Variants in AK7 observed in about 807,000 individuals in gnomAD.
The protein encoded by AK7 is adenylate kinase 7.
Under a neutral mutation model 96.6 loss-of-function variants are expected in AK7, and 78 were observed. That is an observed-to-expected ratio of 0.81 (90% CI 0.67 to 0.97). The LOEUF is 0.97. Ranked by LOEUF, AK7 falls within the 50% of genes least tolerant of loss-of-function variation. The probability of loss-of-function intolerance (pLI) is 0.00; values close to 1 mark genes in which losing one functional copy is unlikely to be tolerated. For missense variants in AK7, 855 were observed against 887.9 expected (o/e 0.96, Z 0.47); for synonymous variants, 302 against 317.2 (o/e 0.95, Z 0.51).
At chr14:96,424,707 C>A (rs930393662) in intron 5 of AK7, among the ~76,000 whole-genome samples, 3 of 152,154 alleles carry the variant, frequency 2.0e-5, no homozygotes, top group Non-Finnish European at 4.4e-5. Context: ...GGAATTCTAG[C>A]CCTTTTTCTG....
chr14:96,442,836 G>C lies in AK7; in HGVS notation c.779+18G>C, dbSNP rs1449529351. The C allele has an allele frequency of 6.2e-6, 10 of 1,605,164 alleles. No individual in the cohort carries two copies. The highest frequency in any genetic ancestry group is 7.7e-6 in the Non-Finnish European group (9 of 1,171,858). ...CTAGCAGGGTAAGCATTCGCCCAGA[G>C]ACGTGACCTTCACAGAATTGGTTAA... On this transcript the variant is annotated intron_variant, in intron 7 of 17. Coordinates refer to ENST00000267584, the MANE Select transcript of AK7 (RefSeq NM_152327.5).
At chr14:96,410,017 T>C (rs2140009155) in intron 4 of AK7, among the ~76,000 whole-genome samples, 1 of 152,296 alleles carries the variant, frequency 6.6e-6, no homozygotes, top group South Asian at 2.1e-4. Context: ...CCCAGATATG[T>C]TCTAATTTCA....
chr14:96,420,952 A>C lies in AK7; in HGVS notation c.609+20A>C, dbSNP rs778395322. 2 of 1,477,086 alleles carry C rather than the reference A, an allele frequency of 1.4e-6. No individual in the cohort carries two copies. The highest frequency in any genetic ancestry group is 1.9e-6 in the Non-Finnish European group (2 of 1,057,792). 91.5% of individuals were successfully genotyped at this position (1,477,086 alleles called of 1,614,324 possible). On this transcript the variant is annotated intron_variant, in intron 5 of 17. Coordinates refer to ENST00000267584, the MANE Select transcript of AK7 (RefSeq NM_152327.5). ...AAAAAGGTAAGTCTGGCATAGTGGA[A>C]CATGGACATCATCTGAAGTCTTTAA...
At chr14:96,425,545 T>A (rs1303130708) in intron 5 of AK7, among the ~76,000 whole-genome samples, 1 of 143,338 alleles carries the variant, frequency 7.0e-6, no homozygotes, top group African/African-American at 2.6e-5. Context: ...TGCAGTGGCA[T>A]GATCTCGGGT....
In AK7 at chr14:96,399,720, C is replaced by T. The variant is rs995406926; in HGVS notation, c.294+1457C>T. Among the ~76,000 whole-genome samples the T allele has an allele frequency of 6.6e-6, 1 of 152,216 alleles. No individual in the cohort carries two copies. Among genetic ancestry groups the T allele is most frequent in the Non-Finnish European group, 1.5e-5 (1 of 68,040 alleles). On this transcript the variant is annotated intron_variant, in intron 2 of 17. Coordinates refer to ENST00000267584, the MANE Select transcript of AK7 (RefSeq NM_152327.5). The surrounding 1 kb of genome is among the most constrained non-coding windows in gnomAD (Gnocchi z 4.1). ...GCTTCCCGAGAGAAACTCGCCTTCC[C>T]TTCTTGTGCCTCGGCTCTGCACTGA...
chr14:96,471,322 C>A (rs1339543093), intron 12 of AK7, among the ~76,000 whole-genome samples, 156 bp from the exon 13 acceptor site: 2 of 147,020 alleles, frequency 1.4e-5, no homozygotes, highest in African/African-American at 5.1e-5. Flanking sequence ...CAGAGTGAGA[C>A]CCCGTCTCTT....
chr14:96,425,354 C>A (rs2140052729), intron 5 of AK7, among the ~76,000 whole-genome samples: 1 of 152,194 alleles, frequency 6.6e-6, no homozygotes, highest in Admixed American at 6.5e-5. Flanking sequence ...ATTACATACA[C>A]AAAAGGTAGA....
At chr14:96,480,339 G>A (rs1895442776) in intron 15 of AK7, among the ~76,000 whole-genome samples, 1 of 151,986 alleles carries the variant, frequency 6.6e-6, no homozygotes, top group African/African-American at 2.4e-5. Context: ...GGCTGAGGCA[G>A]GAGAATCATT....
At chr14:96,439,682 GT>G (rs1163067340) in intron 6 of AK7, among the ~76,000 whole-genome samples, 2 of 139,820 alleles carry the variant, frequency 1.4e-5, no homozygotes, top group African/African-American at 5.3e-5. Flanking sequence ...AAAAAAAAAA[GT>G]TTTTAAAAAG....
At chr14:96,482,902 A>G in intron 15 of AK7, 97 bp from the exon 16 acceptor site, 2 of 1,195,748 alleles carry the variant, frequency 1.7e-6, no homozygotes, top group South Asian at 1.4e-5. Flanking sequence ...TAATTTACAT[A>G]ATTGACTATC....
chr14:96,418,002 C>A (rs1449615952), intron 4 of AK7, among the ~76,000 whole-genome samples: 4 of 151,930 alleles, frequency 2.6e-5, no homozygotes, highest in Non-Finnish European at 4.4e-5. Flanking sequence ...ATATGAAATT[C>A]AGATCACTTT....
At chr14:96,480,187 A>G (rs73351161) in intron 15 of AK7, among the ~76,000 whole-genome samples, 3,200 of 152,242 alleles carry the variant, frequency 0.021, 115 homozygotes, top group African/African-American at 0.073. Flanking sequence ...ATCCCTACAC[A>G]TTGGAAGACC....
chr14:96,451,575 C>T lies in AK7; in HGVS notation c.1098+5C>T. ...AAGCAAAGCAGAGGATTGATGGTAA[C>T]TATCACTGTTTCCCACTGAAACTTC... On this transcript the variant is annotated splice_donor_5th_base_variant and intron_variant, in intron 10 of 17. Transcript: ENST00000267584. 1 of 1,470,630 alleles carries T rather than the reference C, an allele frequency of 6.8e-7. No individual in the cohort carries two copies. The highest frequency in any genetic ancestry group is 9.1e-7 in the Non-Finnish European group (1 of 1,098,076). The allele number at this position is 1,470,630 out of a possible 1,614,324, so 91.1% of individuals were successfully genotyped here.
In AK7 at chr14:96,483,071, G is replaced by A. The variant is rs758921408; in HGVS notation, c.1826G>A (p.Arg609Gln). 15 of 1,614,064 alleles carry A rather than the reference G, an allele frequency of 9.3e-6. No homozygotes were observed. The Admixed American group carries it at 1.0e-4, about 11-fold the overall frequency. ...KQLIKEIGEP[R>Q]NYGLTDEEKA... The stretch of plus-strand genomic sequence containing the variant: ...CTCATCAAAGAGATTGGGGAGCCTC[G>A]AAATTATGGTTTAACAGACGAAGAA... Residue 609 changes from arginine to glutamine, a missense_variant, in exon 16 of 18, where the codon CGA becomes CAA. By Grantham distance (43) the Arg-to-Gln change is conservative. Coordinates refer to ENST00000267584, the MANE Select transcript of AK7 (RefSeq NM_152327.5).
intron 12 of AK7, among the ~76,000 whole-genome samples, chr14:96,471,084 C>T (rs1894857453): frequency 6.6e-6 from 1 of 152,116 alleles, no homozygotes. Flanking sequence ...GTAATCCCAA[C>T]ATTTTGGGAG....
Position 96,483,026 on chromosome 14 carries a change from A to G in AK7, c.1781A>G (p.Asn594Ser), listed in dbSNP as rs1895583358. The G allele has an allele frequency of 3.1e-6, 5 of 1,614,228 alleles. No individual in the cohort carries two copies. In the East Asian group the frequency reaches 1.1e-4, roughly 36 times the overall value. The part of the protein sequence containing the change: ...IDVGKLEDAQ[N>S]RLAIKQLIKE... ...GTAGGAAAACTTGAAGATGCTCAGA[A>G]TAGACTTGCTATCAAACAGCTCATC... Residue 594 changes from asparagine to serine, a missense_variant, in exon 16 of 18, where the codon AAT (asparagine) becomes AGT (serine). Coordinates refer to ENST00000267584, the MANE Select transcript of AK7 (RefSeq NM_152327.5).
intron 5 of AK7, 33 bp downstream of exon 5, chr14:96,420,965 C>A: frequency 7.0e-7 from 1 of 1,418,950 alleles, no homozygotes; most frequent in Non-Finnish European, 9.9e-7. Flanking sequence ...TGGACATCAT[C>A]TGAAGTCTTT....
chr14:96,478,354 T>C, intron 14 of AK7, 111 bp from the exon 15 acceptor site: 1 of 1,059,190 alleles, frequency 9.4e-7, no homozygotes, highest in Non-Finnish European at 1.4e-6. Flanking sequence ...GACAGGCTAT[T>C]TGTGGCAACA....
At chr14:96,432,883 A>G (rs1342414406) in intron 5 of AK7, among the ~76,000 whole-genome samples, 5 of 151,222 alleles carry the variant, frequency 3.3e-5, no homozygotes, top group Non-Finnish European at 7.4e-5. Flanking sequence ...AGTCCCAGCT[A>G]CTCGGGAGGC....
Sources: allele counts gnomAD v4.1 joint callset (sites outside exome capture counted in the v4.1 genomes callset), GRCh38; gene constraint gnomAD v4.1.1; non-coding constraint Gnocchi (gnomAD v3.1); transcripts MANE v1.5; gene names NCBI Gene and HGNC (gene_info 2026-07-23, HGNC 2026-07-21).